The following GRIN2A variants were observed in gnomAD, a reference collection of about 807,000 sequenced individuals.
The protein encoded by GRIN2A is glutamate receptor ionotropic, NMDA 2A.
GRIN2A carries 22 observed loss-of-function variants against 113.4 expected under a neutral mutation model. That is an observed-to-expected ratio of 0.19 (90% CI 0.14 to 0.28). The LOEUF is 0.28. GRIN2A is among the 10% of genes least tolerant of loss of function. The probability of loss-of-function intolerance (pLI) is 1.00; values close to 1 mark genes in which losing one functional copy is unlikely to be tolerated. For synonymous variants in GRIN2A, 827 were observed against 738.4 expected (o/e 1.12, Z -1.94); for missense variants, 1,502 against 1,887.0 (o/e 0.80, Z 3.78).
chr16:9,898,753 C>G (rs1441953136), intron 3 of GRIN2A, among the ~76,000 whole-genome samples: 1 of 147,714 alleles, frequency 6.8e-6, no homozygotes, highest in Non-Finnish European at 1.5e-5. Flanking sequence ...TCTTTAACCT[C>G]TTTTCAATTC....
chr16:10,031,871 C>G (rs1354891368), intron 2 of GRIN2A, among the ~76,000 whole-genome samples: 1 of 152,204 alleles, frequency 6.6e-6, no homozygotes, highest in African/African-American at 2.4e-5. Flanking sequence ...TTTTTTCAGA[C>G]CAGACATTTG....
rs572644247 is a variant in GRIN2A, at chr16:9,958,445, G to T, written c.415-19894C>A. ...ACAGACACATGCACACACACACACA[G>T]GTTCAACCCCACTTCCATATCTTTA... On this transcript the variant is annotated intron_variant, in intron 2 of 12. Transcript: ENST00000330684. 3.3e-5 allele frequency among the ~76,000 whole-genome samples: 5 copies of T among 152,044 alleles called. No homozygotes were observed. The South Asian group carries it at 8.3e-4, about 25-fold the overall frequency.
intron 2 of GRIN2A, among the ~76,000 whole-genome samples, chr16:10,062,619 T>G (rs1466666512): frequency 6.6e-6 from 1 of 152,086 alleles, no homozygotes; most frequent in Non-Finnish European, 1.5e-5. Flanking sequence ...AAACCCAACA[T>G]TTTGGGAGGC....
At chr16:10,136,696 C>A (rs1356272180) in intron 2 of GRIN2A, among the ~76,000 whole-genome samples, 2 of 152,182 alleles carry the variant, frequency 1.3e-5, no homozygotes, top group East Asian at 3.8e-4. Context: ...TAAGTTCACT[C>A]CACCTTCACA....
chr16:9,787,966 C>T (rs1596405890), intron 11 of GRIN2A, among the ~76,000 whole-genome samples: 2 of 152,320 alleles, frequency 1.3e-5, no homozygotes, highest in African/African-American at 2.4e-5. Flanking sequence ...TTAGACATCT[C>T]CAAGGCAGGA....
intron 2 of GRIN2A, among the ~76,000 whole-genome samples, chr16:9,987,567 C>G (rs1046746986): frequency 3.9e-5 from 6 of 152,304 alleles, no homozygotes; most frequent in East Asian, 3.9e-4. Flanking sequence ...CAAAAAATAT[C>G]TAGTCAGCTC....
At chr16:9,874,062 T>A (rs112909311) in intron 4 of GRIN2A, among the ~76,000 whole-genome samples, 2,836 of 152,268 alleles carry the variant, frequency 0.019, 85 homozygotes, top group African/African-American at 0.06. Flanking sequence ...AACTTTAGAT[T>A]TTTTTCTCAT....
At chr16:9,987,739 C>G (rs572749488) in intron 2 of GRIN2A, among the ~76,000 whole-genome samples, 3 of 152,244 alleles carry the variant, frequency 2.0e-5, no homozygotes, top group South Asian at 4.1e-4. Flanking sequence ...AGGTAATGGT[C>G]TTAAATAGTT....
At chr16:10,015,138 C>T (rs79123884) in intron 2 of GRIN2A, among the ~76,000 whole-genome samples, 24,200 of 150,236 alleles carry the variant, frequency 0.16, 2,527 homozygotes, top group East Asian at 0.35. Context: ...CCTATAATCC[C>T]AGCTACTCGG....
At chr16:10,083,639 C>T (rs2048027645) in intron 2 of GRIN2A, among the ~76,000 whole-genome samples, 1 of 152,198 alleles carries the variant, frequency 6.6e-6, no homozygotes, top group South Asian at 2.1e-4. Flanking sequence ...TTCTTTTCTG[C>T]ACCTCACCCC....
chr16:10,053,047 C>CA (rs34069709), intron 2 of GRIN2A, among the ~76,000 whole-genome samples: 45,050 of 130,264 alleles, frequency 0.35, 7,748 homozygotes, highest in Non-Finnish European at 0.4. Flanking sequence ...GACTCCATCT[C>CA]AAAAAAAAAA....
At chr16:9,943,372 C>G (rs1384342925) in intron 2 of GRIN2A, 1 of 152,200 alleles carries the variant, frequency 6.6e-6, no homozygotes, top group African/African-American at 2.4e-5. Flanking sequence ...GGTGTCTGCT[C>G]TAGACTCTGT....
chr16:10,080,412 A>C (rs1212849517), intron 2 of GRIN2A, among the ~76,000 whole-genome samples: 1 of 152,206 alleles, frequency 6.6e-6, no homozygotes, highest in Non-Finnish European at 1.5e-5. Context: ...GATGGTTATT[A>C]GCCACTGTCT....
At chr16:10,148,433 A>G (rs777937059) in intron 2 of GRIN2A, among the ~76,000 whole-genome samples, 1 of 152,214 alleles carries the variant, frequency 6.6e-6, no homozygotes, top group Non-Finnish European at 1.5e-5. Flanking sequence ...AAAAGAGTGG[A>G]GCATTCTGTG....
At chr16:10,018,485 G>A (rs1488294565) in intron 2 of GRIN2A, among the ~76,000 whole-genome samples, 1 of 152,154 alleles carries the variant, frequency 6.6e-6, no homozygotes, top group Admixed American at 6.5e-5. Flanking sequence ...CGTGCTAAGG[G>A]GGTGTGGCTC....
intron 11 of GRIN2A, among the ~76,000 whole-genome samples, chr16:9,772,878 C>G (rs1901359481): frequency 6.9e-6 from 1 of 145,842 alleles, no homozygotes; most frequent in Non-Finnish European, 1.5e-5. Context: ...CCAAACAATA[C>G]CTCTTTTTAG....
intron 2 of GRIN2A, among the ~76,000 whole-genome samples, chr16:10,017,754 A>G (rs369842116): frequency 4.7e-4 from 71 of 152,314 alleles, no homozygotes; most frequent in African/African-American, 1.6e-3. Flanking sequence ...AGGGTGATAA[A>G]TGACTCATCA....
intron 2 of GRIN2A, chr16:10,111,452 T>A: frequency 1.7e-6 from 1 of 587,826 alleles, no homozygotes; most frequent in Non-Finnish European, 3.1e-6. Flanking sequence ...CAGCAGCTCT[T>A]CCTCGGCGCC....
At chr16:9,974,328 T>C (rs1267089888) in intron 2 of GRIN2A, among the ~76,000 whole-genome samples, 1 of 152,156 alleles carries the variant, frequency 6.6e-6, no homozygotes, top group Non-Finnish European at 1.5e-5. Flanking sequence ...TAGTTAAAGA[T>C]CGACCCCTGA....
Sources: allele counts gnomAD v4.1 joint callset (sites outside exome capture counted in the v4.1 genomes callset), GRCh38; gene constraint gnomAD v4.1.1; transcripts MANE v1.5; gene names NCBI Gene and HGNC (gene_info 2026-07-23, HGNC 2026-07-21).